The following PAH variants were observed in gnomAD, a reference collection of about 807,000 sequenced individuals.
PAH encodes the protein phenylalanine hydroxylase.
PAH carries 64 observed loss-of-function variants against 62.0 expected under a neutral mutation model. The observed-to-expected ratio is 1.03, with a 90% confidence interval of 0.84 to 1.27. The LOEUF is 1.27. PAH is among the 50% of genes most tolerant of loss of function. The pLI is 0.00. For synonymous variants in PAH, 195 were observed against 196.2 expected (o/e 0.99, Z 0.05); for missense variants, 579 against 542.8 (o/e 1.07, Z -0.66).
intron 9 of PAH, among the ~76,000 whole-genome samples, chr12:102,845,007 C>G (rs1450528865): frequency 6.6e-6 from 1 of 152,168 alleles, no homozygotes; most frequent in Non-Finnish European, 1.5e-5. Flanking sequence ...CTCTTTCTCT[C>G]TCTATATATA....
intron 9 of PAH, among the ~76,000 whole-genome samples, chr12:102,846,001 C>T (rs1039648984): frequency 5.9e-5 from 9 of 152,078 alleles, no homozygotes; most frequent in South Asian, 2.1e-4. Flanking sequence ...CTTTGAAAGC[C>T]GCTCCTTGTA....
intron 2 of PAH, among the ~76,000 whole-genome samples, chr12:102,912,434 G>A (rs1230864224): frequency 1.3e-5 from 2 of 151,970 alleles, no homozygotes; most frequent in African/African-American, 2.4e-5. Context: ...AATCACATGT[G>A]ACACATGTGA....
At chr12:102,840,000 A>T (rs368570720) in intron 12 of PAH, among the ~76,000 whole-genome samples, 13 of 152,224 alleles carry the variant, frequency 8.5e-5, no homozygotes, top group African/African-American at 2.9e-4. Context: ...TAATATTCTC[A>T]TTATGAAGGA....
At chr12:102,942,387 G>T (rs1056758379) in intron 1 of PAH, among the ~76,000 whole-genome samples, 1 of 152,034 alleles carries the variant, frequency 6.6e-6, no homozygotes, top group African/African-American at 2.4e-5. Context: ...TCTACAATGA[G>T]AATTACAAAA....
At chr12:102,894,607 T>C in intron 3 of PAH, 128 bp downstream of exon 3, 1 of 748,446 alleles carries the variant, frequency 1.3e-6, no homozygotes, top group Admixed American at 2.3e-5. Context: ...TAATTTTGCT[T>C]CCGCAAAATA....
intron 1 of PAH, among the ~76,000 whole-genome samples, chr12:102,932,219 C>CT (rs142840232): frequency 0.043 from 6,569 of 152,226 alleles, 469 homozygotes; most frequent in African/African-American, 0.15. Context: ...ATCCCAAACC[C>CT]TAGGACCCAC....
chr12:102,884,228 A>G (rs1288247790), intron 3 of PAH, among the ~76,000 whole-genome samples: 2 of 152,232 alleles, frequency 1.3e-5, no homozygotes, highest in Admixed American at 6.5e-5. Flanking sequence ...GTTGGAGAGC[A>G]GGGACAAAGC....
In PAH at chr12:102,852,830, A is replaced by C. The variant is rs62508722; in HGVS notation, c.827T>G (p.Met276Arg). ...CAGTACTCACGGTTCGGGGGTATAC[A>C]TGGGCTTGGATCCATGTCTGATGTA... Reference protein sequence around the residue: ...TQYIRHGSKPMYTPEPDICHE... With the variant: ...TQYIRHGSKPRYTPEPDICHE... The change falls in exon 7 of 13, where the codon ATG becomes AGG. Residue 276 changes from methionine to arginine, a missense_variant. By Grantham distance (91) the Met-to-Arg change is moderately conservative. Transcript: ENST00000553106. 1 of 1,613,960 alleles carries C rather than the reference A, an allele frequency of 6.2e-7. No homozygotes were observed. Among genetic ancestry groups the C allele is most frequent in the East Asian group, 2.2e-5 (1 of 44,894 alleles).
At chr12:102,897,418 AT>A (rs1245390190) in intron 2 of PAH, among the ~76,000 whole-genome samples, 1 of 145,108 alleles carries the variant, frequency 6.9e-6, no homozygotes, top group Non-Finnish European at 1.5e-5. Context: ...ATTTGTAATA[AT>A]TTTTTATATT....
chr12:102,921,321 GA>G (rs1169871054), upstream of PAH, among the ~76,000 whole-genome samples: 1 of 152,080 alleles, frequency 6.6e-6, no homozygotes, highest in Non-Finnish European at 1.5e-5. Context: ...CCCATGCTAT[GA>G]ATAGTTTATC....
intron 3 of PAH, among the ~76,000 whole-genome samples, chr12:102,889,663 C>T (rs1877197722): frequency 6.6e-6 from 1 of 152,178 alleles, no homozygotes; most frequent in Admixed American, 6.5e-5. Context: ...CCCTTATAAT[C>T]ACCATAGATT....
At chr12:102,882,630 CAT>C (rs1876859907) in intron 3 of PAH, among the ~76,000 whole-genome samples, 1 of 123,968 alleles carries the variant, frequency 8.1e-6, no homozygotes, top group Non-Finnish European at 1.7e-5. Flanking sequence ...TATATATATG[CAT>C]ATATATACAC....
chr12:102,898,063 C>T (rs1313085239), intron 2 of PAH, among the ~76,000 whole-genome samples: 1 of 152,196 alleles, frequency 6.6e-6, no homozygotes, highest in Non-Finnish European at 1.5e-5. Flanking sequence ...GAACCCCCAA[C>T]ACAAAGATTT....
intron 1 of PAH, among the ~76,000 whole-genome samples, chr12:102,941,251 C>T (rs999977182): frequency 2.0e-5 from 3 of 152,092 alleles, no homozygotes; most frequent in African/African-American, 7.2e-5. Flanking sequence ...AGCAACTACA[C>T]AATTTATGTA....
intron 3 of PAH, among the ~76,000 whole-genome samples, chr12:102,882,676 A>ATATATAT (rs1491411932): frequency 2.7e-4 from 9 of 33,314 alleles, no homozygotes; most frequent in South Asian, 1.0e-3. Context: ...ATATATATAT[A>ATATATAT]AAATTTTTTT....
chr12:102,918,301 A>T (rs1878461627), upstream of PAH, among the ~76,000 whole-genome samples: 1 of 152,184 alleles, frequency 6.6e-6, no homozygotes, highest in African/African-American at 2.4e-5. Context: ...TTCAGAAAGG[A>T]TGTGAAAACT....
At chr12:102,905,976 T>C (rs1877959458) in intron 2 of PAH, among the ~76,000 whole-genome samples, 1 of 152,126 alleles carries the variant, frequency 6.6e-6, no homozygotes, top group South Asian at 2.1e-4. Flanking sequence ...AGAAAATCTT[T>C]GTAACACACA....
intron 3 of PAH, among the ~76,000 whole-genome samples, chr12:102,885,766 A>T (rs1877015239): frequency 6.6e-6 from 1 of 152,194 alleles, no homozygotes; most frequent in Non-Finnish European, 1.5e-5. Context: ...GTGCAGGCTG[A>T]GTCCAATCTT....
chr12:102,841,299 G>C (rs1009237597), intron 11 of PAH, among the ~76,000 whole-genome samples: 2 of 152,178 alleles, frequency 1.3e-5, no homozygotes, highest in Non-Finnish European at 2.9e-5. Context: ...CCATTAACAA[G>C]ATGTTGCAAA....
Sources: allele counts gnomAD v4.1 joint callset (sites outside exome capture counted in the v4.1 genomes callset), GRCh38; gene constraint gnomAD v4.1.1; transcripts MANE v1.5; gene names NCBI Gene and HGNC (gene_info 2026-07-23, HGNC 2026-07-21).